The following RPE variants were observed in gnomAD, a reference collection of about 807,000 sequenced individuals.
RPE encodes the protein ribulose-5-phosphate-3-epimerase, also known as ribulose-phosphate 3-epimerase.
In RPE, 16 loss-of-function variants were observed where a neutral mutation model predicts 24.6. The observed-to-expected ratio is 0.65, with a 90% CI of 0.44 to 0.99. The LOEUF (loss-of-function observed/expected upper bound fraction) is 0.99, where lower values mean the gene tolerates loss of function less well. Among genes scored for constraint, RPE ranks in the 50% least tolerant of loss-of-function variants. The pLI, the probability that RPE is intolerant of heterozygous loss-of-function variation, is 0.00. For synonymous variants in RPE, 93 were observed against 98.4 expected (o/e 0.94, Z 0.33); for missense variants, 240 against 294.5 (o/e 0.81, Z 1.35).
intron 2 of RPE, 26 bp downstream of exon 2, chr2:210,009,762 G>C: frequency 6.2e-7 from 1 of 1,614,036 alleles, no homozygotes; most frequent in Non-Finnish European, 8.5e-7. Context: ...GCCATCTGAA[G>C]CTGGATGTGT....
chr2:210,016,430 A>T (rs2093773267), intron 3 of RPE, 77 bp from the exon 4 acceptor site: 2 of 1,597,324 alleles, frequency 1.3e-6, no homozygotes. Flanking sequence ...AGATATTTCT[A>T]CTGGGCCTGC....
At chr2:210,007,436 A>G (rs2093645074) in intron 1 of RPE, among the ~76,000 whole-genome samples, 1 of 152,082 alleles carries the variant, frequency 6.6e-6, no homozygotes, top group Non-Finnish European at 1.5e-5. Flanking sequence ...ATCCTATCTT[A>G]TTTATTAATA....
chr2:210,009,565 C>A, intron 1 of RPE, 92 bp from the exon 2 acceptor site: 1 of 1,496,734 alleles, frequency 6.7e-7, no homozygotes, highest in Non-Finnish European at 9.3e-7. Flanking sequence ...ACATTGCAGA[C>A]AATCCCCTCA....
intron 2 of RPE, among the ~76,000 whole-genome samples, chr2:210,012,434 CAGTAG>C (rs2093713173): frequency 6.6e-6 from 1 of 152,204 alleles, no homozygotes; most frequent in Admixed American, 6.5e-5. Flanking sequence ...CTTGATGAAG[CAGTAG>C]AAATTAATAA....
At chr2:210,009,453 C>T (rs748387411) in intron 1 of RPE, among the ~76,000 whole-genome samples, 4 of 152,068 alleles carry the variant, frequency 2.6e-5, no homozygotes, top group African/African-American at 4.8e-5. Context: ...ATATATGTGA[C>T]GTGATTTGTT....
At chr2:210,008,602 T>G (rs2887871) in intron 1 of RPE, among the ~76,000 whole-genome samples, 142,100 of 151,914 alleles carry the variant, frequency 0.94, 67,205 homozygotes, top group East Asian at 1. Flanking sequence ...CCCGGTTTTG[T>G]TAAAGATTTA....
At chr2:210,007,591 G>A (rs936382883) in intron 1 of RPE, among the ~76,000 whole-genome samples, 27 of 151,994 alleles carry the variant, frequency 1.8e-4, no homozygotes, top group Admixed American at 2.6e-4. Context: ...CACTCTCCAC[G>A]TCTTTGACTG....
At position 210,016,091 on chromosome 2, in the gene RPE, C is replaced by T; in HGVS notation, c.321C>T (p.Asp107=). 6.2e-7 allele frequency: 1 copy of T among 1,614,180 alleles called. No homozygotes were observed. The highest frequency in any genetic ancestry group is 8.5e-7 in the Non-Finnish European group (1 of 1,180,040). ...ATENPGALIK[D]IRENGMKVGL... ...AGAACCCAGGGGCTTTGATTAAAGA[C>T]ATTCGGGAGAATGGGATGAAGGTAA... Residue 107 remains aspartate (D), a synonymous_variant, in exon 3 of 6, where the codon GAC becomes GAT. Coordinates refer to ENST00000359429, the MANE Select transcript of RPE (RefSeq NM_199229.3).
At position 210,002,733 on chromosome 2, in the gene RPE, C is replaced by A. The variant is rs766892295; in HGVS notation, c.72C>A (p.Leu24=). The change falls in exon 1 of 6, where the codon CTC becomes CTA. Residue 24 remains leucine, a synonymous_variant. Coordinates refer to ENST00000359429, the MANE Select transcript of RPE (RefSeq NM_199229.3). ...TGGCCAATTTAGGGGCCGAGTGCCTCCGGATGCTAGACTCTGGGGCCGATT... is the reference window on the plus strand; with the variant it reads ...TGGCCAATTTAGGGGCCGAGTGCCTACGGATGCTAGACTCTGGGGCCGATT... ...SDLANLGAEC[L]RMLDSGADYL... is the part of the protein sequence containing the mutation. 2.5e-6 allele frequency: 4 copies of A among 1,614,196 alleles called. No individual in the cohort carries two copies. In the East Asian group the frequency reaches 8.9e-5, roughly 36 times the overall value.
At chr2:210,007,962 A>C (rs1271673685) in intron 1 of RPE, among the ~76,000 whole-genome samples, 3 of 152,218 alleles carry the variant, frequency 2.0e-5, no homozygotes, top group Non-Finnish European at 4.4e-5. Flanking sequence ...AATTCTCCTT[A>C]ACCTTCTGAG....
intron 2 of RPE, among the ~76,000 whole-genome samples, chr2:210,015,382 A>G (rs1003331976): frequency 1.3e-5 from 2 of 152,180 alleles, no homozygotes; most frequent in Non-Finnish European, 2.9e-5. Context: ...TCCTCACCAC[A>G]TGCTTCCCTG....
At chr2:210,017,371 C>T in intron 4 of RPE, 102 bp from the exon 5 acceptor site, 1 of 854,270 alleles carries the variant, frequency 1.2e-6, no homozygotes, top group Non-Finnish European at 1.9e-6. Flanking sequence ...GTTTTAATTG[C>T]TAATATTTGC....
intron 2 of RPE, among the ~76,000 whole-genome samples, chr2:210,015,317 T>G (rs2093755817): frequency 6.6e-6 from 1 of 152,234 alleles, no homozygotes; most frequent in African/African-American, 2.4e-5. Flanking sequence ...GATAGTATCT[T>G]GTCACTTCAC....
intron 2 of RPE, among the ~76,000 whole-genome samples, chr2:210,013,311 C>T (rs1472030240): frequency 1.3e-5 from 2 of 149,714 alleles, no homozygotes; most frequent in African/African-American, 2.4e-5. Context: ...ATAGAGTTAT[C>T]CTTTTTTTTT....
chr2:210,005,556 A>AT (rs1334409588), intron 1 of RPE, among the ~76,000 whole-genome samples: 2 of 152,182 alleles, frequency 1.3e-5, no homozygotes, highest in Non-Finnish European at 2.9e-5. Context: ...AGAGCAAAGA[A>AT]TTAATTTCTA....
intron 2 of RPE, among the ~76,000 whole-genome samples, chr2:210,015,195 C>T (rs973291867): frequency 1.3e-5 from 2 of 152,296 alleles, no homozygotes; most frequent in African/African-American, 4.8e-5. Flanking sequence ...TCCTCTTATC[C>T]TCCACATCTC....
In RPE at chr2:210,013,444, T is replaced by G. The variant is rs114468987; in HGVS notation, c.203-2529T>G. Reference sequence around the variant, plus strand: ...CTCCCACCTCACCTCTCCCCTCCAGTAGCTGGGACTGCAGGGGCACACTAC... The same window carrying G: ...CTCCCACCTCACCTCTCCCCTCCAGGAGCTGGGACTGCAGGGGCACACTAC... On this transcript the variant is annotated intron_variant, in intron 2 of 5. Transcript: ENST00000359429. Among the ~76,000 whole-genome samples, 731 of 152,004 alleles carry G rather than the reference T, an allele frequency of 4.8e-3. 5 individuals carry two copies. Among genetic ancestry groups the G allele is most frequent in the African/African-American group, 0.017 (694 of 41,452 alleles).
chr2:210,011,831 A>ATTTTTTTTTTTTTTTTTTTTTTTTTT, intron 2 of RPE, among the ~76,000 whole-genome samples: 1 of 106,724 alleles, frequency 9.4e-6, no homozygotes, highest in Non-Finnish European at 1.9e-5. Context: ...ACAACCGGCT[A>ATTTTTTTTTTTTTTTTTTTTTTTTTT]TTTTTTTTTT....
chr2:210,011,880 C>T (rs1347972531), intron 2 of RPE, among the ~76,000 whole-genome samples: 1 of 144,166 alleles, frequency 6.9e-6, no homozygotes, highest in Non-Finnish European at 1.5e-5. Flanking sequence ...TGGGATCTCC[C>T]TGTATTGCCC....
Sources: allele counts gnomAD v4.1 joint callset (sites outside exome capture counted in the v4.1 genomes callset), GRCh38; gene constraint gnomAD v4.1.1; transcripts MANE v1.5; gene names NCBI Gene and HGNC (gene_info 2026-07-23, HGNC 2026-07-21).